Variants in SLC16A4 observed in about 807,000 individuals in gnomAD.
The protein encoded by SLC16A4 is probable monocarboxylate transporter 5.
SLC16A4 carries 39 observed loss-of-function variants against 47.9 expected under a neutral mutation model. That is an observed-to-expected ratio of 0.81 (90% CI 0.63 to 1.06). The LOEUF (loss-of-function observed/expected upper bound fraction) is 1.06, where lower values mean the gene tolerates loss of function less well. Ranked by LOEUF, SLC16A4 falls within the 50% of genes least tolerant of loss-of-function variation. The pLI, the probability that SLC16A4 is intolerant of heterozygous loss-of-function variation, is 0.00. For missense variants in SLC16A4, 524 were observed against 573.8 expected (o/e 0.91, Z 0.89); for synonymous variants, 189 against 199.9 (o/e 0.95, Z 0.46).
chr1:110,381,537 TG>T, intron 4 of SLC16A4, 114 bp downstream of exon 4: 1 of 979,842 alleles, frequency 1.0e-6, no homozygotes, highest in Non-Finnish European at 1.5e-6. Flanking sequence ...TTGCCCAGGC[TG>T]GTCTCGAACT....
intron 2 of SLC16A4, among the ~76,000 whole-genome samples, chr1:110,388,115 T>G (rs1464396845): frequency 6.6e-6 from 1 of 152,148 alleles, no homozygotes; most frequent in African/African-American, 2.4e-5. Context: ...AGGGTGTTTT[T>G]TTTTGAGTGC....
chr1:110,374,403 G>T (rs1462775390), intron 8 of SLC16A4, among the ~76,000 whole-genome samples: 1 of 152,156 alleles, frequency 6.6e-6, no homozygotes, highest in South Asian at 2.1e-4. Context: ...TTTAAAAAAT[G>T]ATAGTAGGAC....
intron 8 of SLC16A4, among the ~76,000 whole-genome samples, chr1:110,369,754 T>C (rs987480657): frequency 1.3e-5 from 2 of 152,178 alleles, no homozygotes; most frequent in African/African-American, 4.8e-5. Flanking sequence ...GCAAAGACAA[T>C]TTTCCTCTCA....
intron 8 of SLC16A4, among the ~76,000 whole-genome samples, chr1:110,368,227 A>G (rs967576613): frequency 2.0e-4 from 31 of 152,280 alleles, no homozygotes; most frequent in Non-Finnish European, 3.4e-4. Flanking sequence ...CATTCAAAAG[A>G]CTAGATTCCT....
At chr1:110,364,899 TTC>T (rs1446222415) in intron 8 of SLC16A4, among the ~76,000 whole-genome samples, 1 of 152,048 alleles carries the variant, frequency 6.6e-6, no homozygotes, top group Admixed American at 6.6e-5. Flanking sequence ...ACACTTTTTT[TTC>T]TTTTTTTTTT....
chr1:110,378,841 A>T lies in SLC16A4; in HGVS notation c.1030+12T>A. The stretch of plus-strand genomic sequence containing the variant: ...TTCCTTTTGGGTAGGAGGCTGATGT[A>T]GGCTTTCTTACCTGCTACAGAAACA... On this transcript the variant is annotated intron_variant, in intron 6 of 8. Transcript: ENST00000369779. 9.4e-6 allele frequency: 15 copies of T among 1,587,708 alleles called. No homozygotes were observed. Among genetic ancestry groups the T allele is most frequent in the Non-Finnish European group, 1.3e-5 (15 of 1,167,570 alleles).
chr1:110,390,074 A>C (rs568810154), intron 1 of SLC16A4, among the ~76,000 whole-genome samples: 9 of 151,780 alleles, frequency 5.9e-5, no homozygotes, highest in African/African-American at 1.9e-4. Flanking sequence ...CAGAAAAAAA[A>C]CCTCTTTCCC....
Position 110,376,428 on chromosome 1 carries a change from T to C in SLC16A4, c.1242+522A>G, listed in dbSNP as rs971861100. Among the ~76,000 whole-genome samples the C allele has an allele frequency of 2.6e-5, 4 of 152,136 alleles. No homozygotes were observed. The South Asian group carries it at 8.3e-4, about 32-fold the overall frequency. ...GGGGTTCCCAGAACACTGAAGTGTT[T>C]GTATAAGTATTTTGGTTCCATCTGG... On this transcript the variant is annotated intron_variant, in intron 7 of 8. Transcript: ENST00000369779.
chr1:110,376,862 T>A (rs1662033148), intron 7 of SLC16A4, 88 bp downstream of exon 7: 1 of 1,099,760 alleles, frequency 9.1e-7, no homozygotes, highest in African/African-American at 1.6e-5. Context: ...GTTACAAAAT[T>A]AATACAAAAT....
rs964416830 is a variant in SLC16A4 at position 110,363,927 on chromosome 1, A to G, written c.1337-34T>C. 6 of 1,584,500 alleles carry G rather than the reference A, an allele frequency of 3.8e-6. No individual in the cohort carries two copies. The African/African-American group carries it at 8.2e-5, about 22-fold the overall frequency. On this transcript the variant is annotated intron_variant, in intron 8 of 8. Transcript: ENST00000369779. ...AAGGAATGATTTCTGTTAGGGAAGGAAATTTTGCCATTAGTAACTCTCAGC... is the reference window on the plus strand; with the variant it reads ...AAGGAATGATTTCTGTTAGGGAAGGGAATTTTGCCATTAGTAACTCTCAGC...
intron 8 of SLC16A4, chr1:110,370,667 G>A (rs1254926376): frequency 6.6e-6 from 1 of 152,142 alleles, no homozygotes; most frequent in Admixed American, 6.6e-5. Flanking sequence ...AAATAATAGA[G>A]AGAGACATAC....
At chr1:110,390,123 C>T (rs1462347830) in intron 1 of SLC16A4, among the ~76,000 whole-genome samples, 3 of 152,102 alleles carry the variant, frequency 2.0e-5, no homozygotes, top group Non-Finnish European at 4.4e-5. Flanking sequence ...TTTAACCCCT[C>T]AGTTACAGAT....
intron 8 of SLC16A4, among the ~76,000 whole-genome samples, chr1:110,369,487 C>A (rs887003135): frequency 2.6e-5 from 4 of 152,102 alleles, no homozygotes; most frequent in African/African-American, 7.2e-5. Flanking sequence ...GTAGTCCCAG[C>A]TACTCAGGAG....
chr1:110,389,190 A>G (rs754890072), intron 2 of SLC16A4, 47 bp downstream of exon 2: 1 of 1,470,188 alleles, frequency 6.8e-7, no homozygotes, highest in South Asian at 1.1e-5. Context: ...TTCTCCAGAA[A>G]GCCTGCTTTT....
At chr1:110,366,738 A>G (rs1302194895) in intron 8 of SLC16A4, among the ~76,000 whole-genome samples, 2 of 152,176 alleles carry the variant, frequency 1.3e-5, no homozygotes, top group Non-Finnish European at 2.9e-5. Flanking sequence ...CATTTCTCAG[A>G]ATGTATCCCT....
chr1:110,375,612 C>T, intron 7 of SLC16A4, 61 bp from the exon 8 acceptor site: 1 of 887,850 alleles, frequency 1.1e-6, no homozygotes, highest in Non-Finnish European at 1.9e-6. Flanking sequence ...GAGACCTATG[C>T]CTAAAAGGGA....
At chr1:110,389,089 T>C in intron 2 of SLC16A4, 148 bp downstream of exon 2, 2 of 744,892 alleles carry the variant, frequency 2.7e-6, no homozygotes, top group Admixed American at 4.9e-5. Context: ...TTTAGCAGTT[T>C]TTGGCAGCTC....
chr1:110,363,972 C>A, intron 8 of SLC16A4, 79 bp from the exon 9 acceptor site: 9 of 1,455,164 alleles, frequency 6.2e-6, no homozygotes, highest in Non-Finnish European at 8.3e-6. Context: ...CTCCTCAAAG[C>A]AAGGAGCCTC....
In SLC16A4 at chr1:110,381,021, G is replaced by T. The variant is rs750316013; in HGVS notation, c.487C>A (p.Pro163Thr). The change falls in exon 5 of 9, where the codon CCC (proline) becomes ACC (threonine). Residue 163 changes from proline (P) to threonine (T), a missense_variant. By Grantham distance (38) the Pro-to-Thr change is conservative. Coordinates refer to ENST00000369779, the MANE Select transcript of SLC16A4 (RefSeq NM_004696.3). Reference protein sequence around the residue: ...SGMGLTFLLAPFTKFLIDLYD... With the variant: ...SGMGLTFLLATFTKFLIDLYD... ...AGATCTATCAGGAATTTTGTAAAGG[G>T]TGCCAAAAGAAAAGTCAGTCCCATC... is the stretch of plus-strand genomic sequence containing the variant. The T allele has an allele frequency of 1.2e-6, 2 of 1,614,086 alleles. No individual in the cohort carries two copies. Among genetic ancestry groups the T allele is most frequent in the Non-Finnish European group, 1.7e-6 (2 of 1,179,968 alleles).
Sources: allele counts gnomAD v4.1 joint callset (sites outside exome capture counted in the v4.1 genomes callset), GRCh38; gene constraint gnomAD v4.1.1; transcripts MANE v1.5; gene names NCBI Gene and HGNC (gene_info 2026-07-23, HGNC 2026-07-21).